The following TACR3 variants were observed in gnomAD, a reference collection of about 807,000 sequenced individuals.
TACR3 encodes neuromedin-K receptor.
Under a neutral mutation model 35.0 loss-of-function variants are expected in TACR3, and 34 were observed. The observed-to-expected ratio is 0.97, with a 90% CI of 0.74 to 1.30. TACR3 has a LOEUF of 1.30. Among genes scored for constraint, TACR3 ranks in the 50% most tolerant of loss-of-function variants. The pLI, the probability that TACR3 is intolerant of heterozygous loss-of-function variation, is 0.00. For synonymous variants in TACR3, 233 were observed against 221.1 expected, an observed-to-expected ratio of 1.05 and a Z score of -0.48; for missense variants, 558 against 591.7, an observed-to-expected ratio of 0.94 and a Z score of 0.59.
At chr4:103,686,647 CAT>C (rs1309768488) in intron 1 of TACR3, among the ~76,000 whole-genome samples, 1 of 152,102 alleles carries the variant, frequency 6.6e-6, no homozygotes, top group Non-Finnish European at 1.5e-5. Context: ...AAGAGGAAAA[CAT>C]AACCCATATG....
chr4:103,627,775 A>T (rs969058980), intron 3 of TACR3, among the ~76,000 whole-genome samples: 14 of 152,176 alleles, frequency 9.2e-5, no homozygotes, highest in Non-Finnish European at 1.8e-4. Flanking sequence ...ACTTGAACTC[A>T]GCTCTCCACC....
At chr4:103,609,293 G>T (rs933996562) in intron 3 of TACR3, among the ~76,000 whole-genome samples, 3 of 152,080 alleles carry the variant, frequency 2.0e-5, no homozygotes, top group Non-Finnish European at 2.9e-5. Context: ...ATGTAATATT[G>T]TGTTAGTGTG....
chr4:103,687,220 T>C (rs1014717012), intron 1 of TACR3, among the ~76,000 whole-genome samples: 1 of 152,120 alleles, frequency 6.6e-6, no homozygotes, highest in African/African-American at 2.4e-5. Context: ...AAACTCTCAA[T>C]AAATTACGTA....
intron 3 of TACR3, among the ~76,000 whole-genome samples, chr4:103,654,482 T>C (rs1353875281): frequency 7.6e-6 from 1 of 131,618 alleles, no homozygotes; most frequent in Non-Finnish European, 1.5e-5. Context: ...CACTCATTGG[T>C]GGGAACTGAA....
At chr4:103,649,807 T>G (rs1298939363) in intron 3 of TACR3, among the ~76,000 whole-genome samples, 2 of 152,158 alleles carry the variant, frequency 1.3e-5, no homozygotes, top group Non-Finnish European at 1.5e-5. Flanking sequence ...GTCTGAAAGG[T>G]CACATATCTT....
At chr4:103,610,599 AT>A (rs1196778953) in intron 3 of TACR3, among the ~76,000 whole-genome samples, 4 of 151,902 alleles carry the variant, frequency 2.6e-5, no homozygotes, top group Non-Finnish European at 4.4e-5. Flanking sequence ...TCTGTTGATT[AT>A]TTCCTTTGCT....
At chr4:103,703,944 A>G (rs1388030600) in intron 1 of TACR3, among the ~76,000 whole-genome samples, 1 of 151,892 alleles carries the variant, frequency 6.6e-6, no homozygotes, top group African/African-American at 2.4e-5. Flanking sequence ...ACTACAAAAT[A>G]CAAAAAAAAT....
chr4:103,622,132 A>G (rs953344284), intron 3 of TACR3, among the ~76,000 whole-genome samples: 1 of 152,166 alleles, frequency 6.6e-6, no homozygotes, highest in African/African-American at 2.4e-5. Flanking sequence ...CCTTCAGTCT[A>G]GCCAAGGACT....
intron 1 of TACR3, among the ~76,000 whole-genome samples, chr4:103,717,547 G>A (rs1240042942): frequency 6.6e-6 from 1 of 152,040 alleles, no homozygotes; most frequent in Non-Finnish European, 1.5e-5. Context: ...CCTTCAAATT[G>A]AAATACAGAT....
At chr4:103,637,246 A>C (rs1725214406) in intron 3 of TACR3, among the ~76,000 whole-genome samples, 1 of 152,220 alleles carries the variant, frequency 6.6e-6, no homozygotes, top group African/African-American at 2.4e-5. Context: ...CACCATGATC[A>C]AGTGGGCTTC....
At chr4:103,681,979 C>T (rs1578255459) in intron 1 of TACR3, among the ~76,000 whole-genome samples, 1 of 152,108 alleles carries the variant, frequency 6.6e-6, no homozygotes, top group East Asian at 1.9e-4. Context: ...GGAAATTACA[C>T]AAAACACTCT....
chr4:103,672,809 G>A (rs930733220), intron 1 of TACR3, among the ~76,000 whole-genome samples: 1 of 152,158 alleles, frequency 6.6e-6, no homozygotes, highest in Non-Finnish European at 1.5e-5. Flanking sequence ...GTCCTAGATG[G>A]AATCTTTTTA....
At chr4:103,634,595 AGTAC>A (rs1725138274) in intron 3 of TACR3, among the ~76,000 whole-genome samples, 1 of 152,114 alleles carries the variant, frequency 6.6e-6, no homozygotes, top group Admixed American at 6.6e-5. Flanking sequence ...TAAACTGTAA[AGTAC>A]CTCTTGCTGC....
At chr4:103,623,923 T>C (rs1264130436) in intron 3 of TACR3, among the ~76,000 whole-genome samples, 1 of 152,180 alleles carries the variant, frequency 6.6e-6, no homozygotes, top group Non-Finnish European at 1.5e-5. Context: ...GACTTCTAGT[T>C]CTCCAGGGTA....
chr4:103,641,770 A>C (rs1023618980), intron 3 of TACR3, among the ~76,000 whole-genome samples: 3 of 151,980 alleles, frequency 2.0e-5, no homozygotes, highest in African/African-American at 7.2e-5. Context: ...TGGCATATAC[A>C]CACAATGAAA....
chr4:103,647,395 G>T (rs1378706539), intron 3 of TACR3, among the ~76,000 whole-genome samples: 1 of 151,828 alleles, frequency 6.6e-6, no homozygotes, highest in Non-Finnish European at 1.5e-5. Context: ...TCTCAAATTG[G>T]AATGTAAGCA....
Position 103,615,411 on chromosome 4 carries a change from G to GTT in TACR3, c.889-23729_889-23728insAA, listed in dbSNP as rs1724630214. 8.0e-5 allele frequency among the ~76,000 whole-genome samples: 11 copies of GTT among 137,264 alleles called. 1 individual carries two copies. The South Asian group carries it at 2.5e-3, about 31-fold the overall frequency. The allele number at this position is 137,264 out of a possible 152,430, so 90.1% of individuals were successfully genotyped here. A position where few individuals can be genotyped will look rare whatever the true frequency, so the allele number is the denominator to read the frequency against. On this transcript the variant is annotated intron_variant, in intron 3 of 4. Transcript: ENST00000304883. ...TGTGTGTGTGTGTGAGAGAGAGAGA[G>GTT]AGAGAGAGAGAGAGAGAGAGGGAAA...
At chr4:103,600,645 T>C (rs1560801527) in intron 3 of TACR3, among the ~76,000 whole-genome samples, 1 of 152,218 alleles carries the variant, frequency 6.6e-6, no homozygotes, top group Non-Finnish European at 1.5e-5. Flanking sequence ...GTCCCAGAGA[T>C]TCTGGTATAT....
intron 1 of TACR3, among the ~76,000 whole-genome samples, chr4:103,681,141 AT>A (rs752315150): frequency 1.3e-5 from 2 of 152,064 alleles, no homozygotes; most frequent in Non-Finnish European, 2.9e-5. Context: ...ATTTAAAAAA[AT>A]ATTTACCAAA....
Sources: allele counts gnomAD v4.1 joint callset (sites outside exome capture counted in the v4.1 genomes callset), GRCh38; gene constraint gnomAD v4.1.1; transcripts MANE v1.5; gene names NCBI Gene and HGNC (gene_info 2026-07-23, HGNC 2026-07-21).